PTPRT: variants seen among roughly 807,000 people sequenced by gnomAD.
PTPRT encodes the protein protein tyrosine phosphatase receptor type T.
In PTPRT, 56 loss-of-function variants were observed where a neutral mutation model predicts 176.8. The ratio of observed to expected loss-of-function variants is 0.32; its 90% confidence interval spans 0.26 to 0.40. The LOEUF (loss-of-function observed/expected upper bound fraction) is 0.40, where lower values mean the gene tolerates loss of function less well. Among genes scored for constraint, PTPRT ranks in the 10% least tolerant of loss-of-function variants. PTPRT has a pLI of 1.00. For synonymous variants in PTPRT, 783 were observed against 739.0 expected, an observed-to-expected ratio of 1.06 and a Z score of -0.96; for missense variants, 1,540 against 1,908.2, an observed-to-expected ratio of 0.81 and a Z score of 3.60.
intron 9 of PTPRT, among the ~76,000 whole-genome samples, chr20:42,395,499 A>G (rs966385400): frequency 5.3e-5 from 8 of 152,000 alleles, no homozygotes; most frequent in Non-Finnish European, 8.8e-5. Flanking sequence ...TATTTCTCAA[A>G]TTTTATAAAA....
chr20:43,070,896 A>G (rs1253131466), intron 1 of PTPRT, among the ~76,000 whole-genome samples: 1 of 151,840 alleles, frequency 6.6e-6, no homozygotes, highest in East Asian at 1.9e-4. Flanking sequence ...GCAGCACACC[A>G]ACATGGCACA....
At chr20:42,145,240 G>A (rs186648408) in intron 17 of PTPRT, among the ~76,000 whole-genome samples, 3 of 152,254 alleles carry the variant, frequency 2.0e-5, no homozygotes, top group East Asian at 1.9e-4. Flanking sequence ...AGTGGCTCAC[G>A]CCTGTAATCC....
chr20:42,538,733 C>T (rs1171526272), intron 7 of PTPRT, among the ~76,000 whole-genome samples: 1 of 152,136 alleles, frequency 6.6e-6, no homozygotes, highest in Non-Finnish European at 1.5e-5. Context: ...TAGACAAAGG[C>T]AGGGAGATCT....
downstream of PTPRT, among the ~76,000 whole-genome samples, chr20:42,069,008 C>T (rs760444025): frequency 2.0e-5 from 3 of 152,206 alleles, no homozygotes; most frequent in African/African-American, 4.8e-5. Flanking sequence ...CTCTTAAACT[C>T]GGACTCCAAA....
chr20:42,720,884 G>A (rs2076292632), intron 6 of PTPRT, among the ~76,000 whole-genome samples: 1 of 152,150 alleles, frequency 6.6e-6, no homozygotes, highest in Non-Finnish European at 1.5e-5. Context: ...ACCTTGATGA[G>A]CTTAGGAAGC....
chr20:42,852,729 C>G (rs1217777618), intron 2 of PTPRT, among the ~76,000 whole-genome samples: 1 of 152,178 alleles, frequency 6.6e-6, no homozygotes, highest in Non-Finnish European at 1.5e-5. Flanking sequence ...TTCACAAACC[C>G]TCTCATCTGA....
chr20:42,039,203 A>G, the PTPRT span, among the ~76,000 whole-genome samples: 2 of 152,192 alleles, frequency 1.3e-5, no homozygotes, highest in African/African-American at 4.8e-5. Context: ...AATTTATTTT[A>G]AAAATGTTTA....
intron 3 of PTPRT, among the ~76,000 whole-genome samples, 155 bp from the exon 4 acceptor site, chr20:42,780,454 C>T (rs971712889): frequency 7.2e-5 from 11 of 152,158 alleles, no homozygotes; most frequent in Non-Finnish European, 1.3e-4. Context: ...TGGCAATTGA[C>T]TGGGATTTTC....
chr20:43,034,163 T>A (rs1161256552), intron 1 of PTPRT, among the ~76,000 whole-genome samples: 1 of 152,162 alleles, frequency 6.6e-6, no homozygotes, highest in Non-Finnish European at 1.5e-5. Context: ...GAAAGAACCA[T>A]CCAAGGAAGT....
At chr20:42,046,328 A>G in the PTPRT span, among the ~76,000 whole-genome samples, 1 of 152,224 alleles carries the variant, frequency 6.6e-6, no homozygotes, top group African/African-American at 2.4e-5. Flanking sequence ...GAATTCAACA[A>G]TGGCACTTCC....
At chr20:42,395,456 C>G (rs1228950750) in intron 9 of PTPRT, among the ~76,000 whole-genome samples, 3 of 152,110 alleles carry the variant, frequency 2.0e-5, no homozygotes, top group African/African-American at 7.2e-5. Context: ...GGGCTTTTTC[C>G]CTTTCCATTG....
intron 7 of PTPRT, among the ~76,000 whole-genome samples, chr20:42,541,543 T>G (rs1381316795): frequency 8.4e-4 from 1 of 1,184 alleles, no homozygotes; most frequent in Non-Finnish European, 1.9e-3. Flanking sequence ...TAGTAAATAC[T>G]AATACTAGTA....
At chr20:42,660,482 A>T (rs1475539013) in intron 7 of PTPRT, among the ~76,000 whole-genome samples, 1 of 152,210 alleles carries the variant, frequency 6.6e-6, no homozygotes, top group East Asian at 1.9e-4. Context: ...CAAACCCTCT[A>T]TTAGTTAATG....
rs2012354739 is a variant in PTPRT, at chr20:43,100,519, T to C, written c.88+89127A>G. Among the ~76,000 whole-genome samples the C allele has an allele frequency of 2.0e-5, 3 of 152,188 alleles. No homozygotes were observed. In the South Asian group the frequency reaches 6.2e-4, roughly 32 times the overall value. On this transcript the variant is annotated intron_variant, in intron 1 of 30. Transcript: ENST00000373187. ...CAGTCACTAAGGAGGCAAGATCAAG[T>C]ATCATCAAAACATTAGGCCTTGACA... is the stretch of plus-strand genomic sequence containing the variant.
intron 9 of PTPRT, among the ~76,000 whole-genome samples, chr20:42,447,314 G>A (rs6030249): frequency 0.012 from 1,820 of 152,158 alleles, 35 homozygotes; most frequent in African/African-American, 0.04. Flanking sequence ...TATTTTACAG[G>A]TGAGAAAAAT....
At chr20:42,305,899 C>A (rs2057539893) in intron 12 of PTPRT, among the ~76,000 whole-genome samples, 1 of 152,160 alleles carries the variant, frequency 6.6e-6, no homozygotes, top group African/African-American at 2.4e-5. Flanking sequence ...TCAGTCCAAG[C>A]TTCACGAGGT....
chr20:42,607,610 C>T (rs1485131831), intron 7 of PTPRT: 1 of 152,394 alleles, frequency 6.6e-6, no homozygotes, highest in Non-Finnish European at 1.5e-5. Flanking sequence ...CTTGGAGCAA[C>T]AATGAAATGC....
At chr20:43,096,423 T>A (rs993335558) in intron 1 of PTPRT, among the ~76,000 whole-genome samples, 2 of 152,272 alleles carry the variant, frequency 1.3e-5, no homozygotes, top group Non-Finnish European at 1.5e-5. Context: ...CATAGAAACA[T>A]CCTTGGGGAG....
chr20:42,942,025 G>C (rs186867196), intron 1 of PTPRT, among the ~76,000 whole-genome samples: 1 of 152,058 alleles, frequency 6.6e-6, no homozygotes, highest in Admixed American at 6.6e-5. Flanking sequence ...TCTTTACAAG[G>C]GATAGGGGTA....
Sources: gnomAD v4.1 joint callset for allele counts (sites outside exome capture counted in the v4.1 genomes callset) on GRCh38, gnomAD v4.1.1 for gene constraint, MANE v1.5 for transcripts, NCBI Gene and HGNC (gene_info 2026-07-23, HGNC 2026-07-21) for gene names.